The following C3orf80 variants were observed in gnomAD, a reference collection of about 807,000 sequenced individuals.
C3orf80 encodes the protein uncharacterized membrane protein C3orf80.
A neutral mutation model predicts 15.8 loss-of-function variants in C3orf80; 10 were observed. The ratio of observed to expected loss-of-function variants is 0.63; its 90% CI spans 0.39 to 1.07. The LOEUF is 1.07. Ranked by LOEUF, C3orf80 falls within the 50% of genes least tolerant of loss-of-function variation. The pLI is 0.01. For missense variants in C3orf80, 364 were observed against 379.3 expected, an observed-to-expected ratio of 0.96 and a Z score of 0.34; for synonymous variants, 183 against 192.0, an observed-to-expected ratio of 0.95 and a Z score of 0.39.
rs1358899245 is a variant in C3orf80, at chr3:160,228,045, G to T, written c.*1666G>T. On this transcript the variant is annotated 3_prime_UTR_variant, in exon 1 of 1. Transcript: ENST00000326474. ...TTATTTAATTAAATTTTTAAAGGCTGGTTGAAAAAGTCTGACAGTTCTGAG... is the reference window on the plus strand; with the variant it reads ...TTATTTAATTAAATTTTTAAAGGCTTGTTGAAAAAGTCTGACAGTTCTGAG... 6.6e-6 allele frequency: 1 copy of T among 151,970 alleles called. No individual in the cohort carries two copies. Among genetic ancestry groups the T allele is most frequent in the Non-Finnish European group, 1.5e-5 (1 of 67,972 alleles). 9.4% of individuals were successfully genotyped at this position (151,970 alleles called of 1,614,324 possible).
Position 160,225,704 on chromosome 3 carries a change from G to A in C3orf80, c.69G>A (p.Leu23=). 7.2e-7 allele frequency: 1 copy of A among 1,384,766 alleles called. No individual in the cohort carries two copies. Among genetic ancestry groups the A allele is most frequent in the Non-Finnish European group, 9.3e-7 (1 of 1,075,812 alleles). 85.8% of individuals were successfully genotyped at this position (1,384,766 alleles called of 1,614,324 possible). A position where few individuals can be genotyped will look rare whatever the true frequency, so the allele number is the denominator to read the frequency against. The stretch of plus-strand genomic sequence containing the variant: ...CGGCGCCGCCGCCTCTGCTGCCGCT[G>A]CTGCTACTGCTGGCGCTGGCGCTGG... The part of the protein sequence containing the change: ...VAPAPPPLLP[L]LLLLALALVA... Residue 23 remains leucine, a synonymous_variant, in exon 1 of 1, where the codon CTG becomes CTA. Transcript: ENST00000326474. The surrounding 1 kb of genome is among the most constrained non-coding windows in gnomAD (Gnocchi z 5.6).
In C3orf80 at chr3:160,225,793, G is replaced by A; in HGVS notation, c.158G>A (p.Cys53Tyr). The change falls in exon 1 of 1, where the codon TGC (cysteine) becomes TAC (tyrosine). Residue 53 changes from cysteine (C) to tyrosine (Y), a missense_variant. Coordinates refer to ENST00000326474, the MANE Select transcript of C3orf80 (RefSeq NM_001168214.2). This position sits in a 1 kb window ranked among gnomAD's most constrained non-coding sequence, Gnocchi z 5.6. ...GCGTGCGGCGAGCGGGAGCGCTGCT[G>A]CGACGCGACCAACGCCACGGCGGTG... ...ELACGERERC[C>Y]DATNATAVRC... 6.8e-7 allele frequency: 1 copy of A among 1,467,742 alleles called. No individual in the cohort carries two copies. The highest frequency in any genetic ancestry group is 9.0e-7 in the Non-Finnish European group (1 of 1,114,404). The allele number at this position is 1,467,742 out of a possible 1,614,324, so 90.9% of individuals were successfully genotyped here.
chr3:160,227,376 CT>C lies in C3orf80; in HGVS notation c.*998del, dbSNP rs1177474969. 6.6e-6 allele frequency: 1 copy of C among 152,132 alleles called. No individual in the cohort carries two copies. Among genetic ancestry groups the C allele is most frequent in the Admixed American group, 6.5e-5 (1 of 15,280 alleles). The allele number at this position is 152,132 out of a possible 1,614,324, so 9.4% of individuals were successfully genotyped here. ...AAACATGAAGGATATCTTATTTTCA[CT>C]ATTTGAGAAGAATATATTTTATTTT... On this transcript the variant is annotated 3_prime_UTR_variant, in exon 1 of 1. Transcript: ENST00000326474.
rs1256852260 is a variant in C3orf80, at chr3:160,225,681, G to GCGC, written c.54_56dup (p.Pro19dup). On this transcript the variant is annotated inframe_insertion, in exon 1 of 1. Transcript: ENST00000326474. The surrounding 1 kb of genome is among the most constrained non-coding windows in gnomAD (Gnocchi z 5.6). Reference sequence around the variant, plus strand: ...TGCTGAGGGCCTGTCGGTGGCTCCGGCGCCGCCGCCTCTGCTGCCGCTGCT... The same window carrying GCGC: ...TGCTGAGGGCCTGTCGGTGGCTCCGGCGCCGCCGCCGCCTCTGCTGCCGCTGCT... The GCGC allele has an allele frequency of 7.2e-7, 1 of 1,395,414 alleles. No homozygotes were observed. The highest frequency in any genetic ancestry group is 2.1e-4 in the Middle Eastern group (1 of 4,708). 86.4% of individuals were successfully genotyped at this position (1,395,414 alleles called of 1,614,324 possible). A position where few individuals can be genotyped will look rare whatever the true frequency, so the allele number is the denominator to read the frequency against.
In C3orf80 at chr3:160,226,111, A is replaced by ACAGTGG. The variant is rs1725667773; in HGVS notation, c.478_483dup (p.Ser160_Gly161dup). ...GCCGGCTCTCAGGACTCACTGCTGG[A>ACAGTGG]CAGTGGCGGCGGCGGCCGGGGCCGG... On this transcript the variant is annotated inframe_insertion, in exon 1 of 1. Transcript: ENST00000326474. This position sits in a 1 kb window ranked among gnomAD's most constrained non-coding sequence, Gnocchi z 5.2. 2 of 1,517,004 alleles carry ACAGTGG rather than the reference A, an allele frequency of 1.3e-6. No individual in the cohort carries two copies. Among genetic ancestry groups the ACAGTGG allele is most frequent in the East Asian group, 2.6e-5 (1 of 38,416 alleles). 94.0% of individuals were successfully genotyped at this position (1,517,004 alleles called of 1,614,324 possible).
rs1042772647 is a variant in C3orf80, at chr3:160,226,458, C to T, written c.*79C>T. On this transcript the variant is annotated 3_prime_UTR_variant, in exon 1 of 1. Coordinates refer to ENST00000326474, the MANE Select transcript of C3orf80 (RefSeq NM_001168214.2). This position sits in a 1 kb window ranked among gnomAD's most constrained non-coding sequence, Gnocchi z 5.2. ...CGGCCGGGGTGCCGCCGCCAACTGC[C>T]TCAGACCTTATCTGGCACCCTGGCC... 1 of 1,357,738 alleles carries T rather than the reference C, an allele frequency of 7.4e-7. No homozygotes were observed. The highest frequency in any genetic ancestry group is 1.5e-5 in the African/African-American group (1 of 64,894). The allele number at this position is 1,357,738 out of a possible 1,614,324, so 84.1% of individuals were successfully genotyped here.
At position 160,225,647 on chromosome 3, in the gene C3orf80, C is replaced by T. The variant is rs1161988268; in HGVS notation, c.12C>T (p.Pro4=). 2.2e-6 allele frequency: 3 copies of T among 1,378,530 alleles called. No homozygotes were observed. Among genetic ancestry groups the T allele is most frequent in the Non-Finnish European group, 2.8e-6 (3 of 1,071,618 alleles). The allele number at this position is 1,378,530 out of a possible 1,614,324, so 85.4% of individuals were successfully genotyped here. Residue 4 remains proline (P), a synonymous_variant, in exon 1 of 1, where the codon CCC becomes CCT. Coordinates refer to ENST00000326474, the MANE Select transcript of C3orf80 (RefSeq NM_001168214.2). The surrounding 1 kb of genome is among the most constrained non-coding windows in gnomAD (Gnocchi z 5.6). ...GGTCTGCGCGGGCCATGTGGGGACCCGGGGTCACTGCTGAGGGCCTGTCGG... is the reference window on the plus strand; with the variant it reads ...GGTCTGCGCGGGCCATGTGGGGACCTGGGGTCACTGCTGAGGGCCTGTCGG... The part of the protein sequence containing the change: MWG[P]GVTAEGLSVA...
Position 160,225,575 on chromosome 3 carries a change from G to T in C3orf80, c.-61G>T. The T allele has an allele frequency of 7.9e-7, 1 of 1,258,668 alleles. No homozygotes were observed. Among genetic ancestry groups the T allele is most frequent in the African/African-American group, 1.6e-5 (1 of 64,026 alleles). The allele number at this position is 1,258,668 out of a possible 1,614,324, so 78.0% of individuals were successfully genotyped here. A position where few individuals can be genotyped will look rare whatever the true frequency, so the allele number is the denominator to read the frequency against. ...GAGCGCCGGGGAGGGGCCGACGGAC[G>T]CGAGGGCGGACGGACTCCCCAGCCT... On this transcript the variant is annotated 5_prime_UTR_variant, in exon 1 of 1. Transcript: ENST00000326474. The surrounding 1 kb of genome is among the most constrained non-coding windows in gnomAD (Gnocchi z 5.6).
In C3orf80 at chr3:160,226,337, C is replaced by G; in HGVS notation, c.702C>G (p.Ala234=). The G allele has an allele frequency of 6.7e-7, 1 of 1,499,200 alleles. No homozygotes were observed. The highest frequency in any genetic ancestry group is 1.2e-5 in the South Asian group (1 of 80,076). 92.9% of individuals were successfully genotyped at this position (1,499,200 alleles called of 1,614,324 possible). Residue 234 remains alanine (A), a synonymous_variant, in exon 1 of 1, where the codon GCC becomes GCG. Coordinates refer to ENST00000326474, the MANE Select transcript of C3orf80 (RefSeq NM_001168214.2). This position sits in a 1 kb window ranked among gnomAD's most constrained non-coding sequence, Gnocchi z 5.2. The stretch of plus-strand genomic sequence containing the variant: ...TTGGCCGCCCTCGAGGCGGGGTCGC[C>G]GCGGAGCCCGACGGCGGCGAGGGCC... The part of the protein sequence containing the change: ...SVLGRPRGGV[A]AEPDGGEGRY...
In C3orf80 at chr3:160,225,675, G is replaced by A; in HGVS notation, c.40G>A (p.Ala14Thr). The change falls in exon 1 of 1, where the codon GCT (alanine) becomes ACT (threonine). Residue 14 changes from alanine (A) to threonine (T), a missense_variant. Coordinates refer to ENST00000326474, the MANE Select transcript of C3orf80 (RefSeq NM_001168214.2). The surrounding 1 kb of genome is among the most constrained non-coding windows in gnomAD (Gnocchi z 5.6). The part of the protein sequence containing the change: ...PGVTAEGLSV[A>T]PAPPPLLPLL... ...GGTCACTGCTGAGGGCCTGTCGGTG[G>A]CTCCGGCGCCGCCGCCTCTGCTGCC... 7.2e-7 allele frequency: 1 copy of A among 1,395,752 alleles called. No homozygotes were observed. The highest frequency in any genetic ancestry group is 1.6e-5 in the South Asian group (1 of 62,626). The allele number at this position is 1,395,752 out of a possible 1,614,324, so 86.5% of individuals were successfully genotyped here.
At position 160,226,003 on chromosome 3, in the gene C3orf80, C is replaced by CG; in HGVS notation, c.374dup (p.Ala126ArgfsTer159). The CG allele has an allele frequency of 3.0e-6, 4 of 1,316,336 alleles. No homozygotes were observed. Among genetic ancestry groups the CG allele is most frequent in the East Asian group, 3.2e-5 (1 of 31,294 alleles). 81.5% of individuals were successfully genotyped at this position (1,316,336 alleles called of 1,614,324 possible). A position where few individuals can be genotyped will look rare whatever the true frequency, so the allele number is the denominator to read the frequency against. On this transcript the variant is annotated frameshift_variant, in exon 1 of 1. Transcript: ENST00000326474. LOFTEE classifies it high-confidence loss of function. This position sits in a 1 kb window ranked among gnomAD's most constrained non-coding sequence, Gnocchi z 5.2. ...CGCCCGGGACAGCGGCCCGGGCCTC[C>CG]GGGGGGCGCCGGACCGCTGGGGGGC...
Position 160,226,083 on chromosome 3 carries a change from G to T in C3orf80, c.448G>T (p.Ala150Ser). The T allele has an allele frequency of 6.8e-7, 1 of 1,465,810 alleles. No individual in the cohort carries two copies. The highest frequency in any genetic ancestry group is 9.0e-7 in the Non-Finnish European group (1 of 1,115,018). The allele number at this position is 1,465,810 out of a possible 1,614,324, so 90.8% of individuals were successfully genotyped here. Reference protein sequence around the residue: ...DSPALLRDEAAAGSQDSLLDS... With the variant: ...DSPALLRDEASAGSQDSLLDS... ...GCCCGCTCTGCTGCGCGACGAGGCG[G>T]CAGCCGGCTCTCAGGACTCACTGCT... Residue 150 changes from alanine (A) to serine (S), a missense_variant, in exon 1 of 1, where the codon GCA becomes TCA. Coordinates refer to ENST00000326474, the MANE Select transcript of C3orf80 (RefSeq NM_001168214.2). This position sits in a 1 kb window ranked among gnomAD's most constrained non-coding sequence, Gnocchi z 5.2.
In C3orf80 at chr3:160,225,962, C is replaced by T. The variant is rs920190098; in HGVS notation, c.327C>T (p.Tyr109=). ...QRIICPSPRR[Y]PRGQARPGQR... Reference sequence around the variant, plus strand: ...TCATCTGCCCCAGTCCACGCAGGTACCCGCGCGGCCAGGCGCGCCCGGGAC... The same window carrying T: ...TCATCTGCCCCAGTCCACGCAGGTATCCGCGCGGCCAGGCGCGCCCGGGAC... The change falls in exon 1 of 1, where the codon TAC becomes TAT. Residue 109 remains tyrosine (Y), a synonymous_variant. Transcript: ENST00000326474. The surrounding 1 kb of genome is among the most constrained non-coding windows in gnomAD (Gnocchi z 5.6). 7.0e-5 allele frequency: 98 copies of T among 1,390,966 alleles called. No individual in the cohort carries two copies. Among genetic ancestry groups the T allele is most frequent in the Admixed American group, 1.6e-4 (6 of 38,200 alleles). 86.2% of individuals were successfully genotyped at this position (1,390,966 alleles called of 1,614,324 possible).
Position 160,228,106 on chromosome 3 carries a change from GTTTAC to G in C3orf80, c.*1732_*1736del, listed in dbSNP as rs1711524881. The G allele has an allele frequency of 6.6e-6, 1 of 152,046 alleles. No individual in the cohort carries two copies. The highest frequency in any genetic ancestry group is 2.4e-5 in the African/African-American group (1 of 41,428). The allele number at this position is 152,046 out of a possible 1,614,324, so 9.4% of individuals were successfully genotyped here. On this transcript the variant is annotated 3_prime_UTR_variant, in exon 1 of 1. Coordinates refer to ENST00000326474, the MANE Select transcript of C3orf80 (RefSeq NM_001168214.2). ...ATGTCTGAATTGTAATAAAAAAATG[GTTTAC>G]TTTAAACTTCTAAAAACTAATGACC...
In C3orf80 at chr3:160,225,870, G is replaced by T; in HGVS notation, c.235G>T (p.Val79Phe). Residue 79 changes from valine to phenylalanine, a missense_variant, in exon 1 of 1, where the codon GTC (valine) becomes TTC (phenylalanine). Coordinates refer to ENST00000326474, the MANE Select transcript of C3orf80 (RefSeq NM_001168214.2). The surrounding 1 kb of genome is among the most constrained non-coding windows in gnomAD (Gnocchi z 5.6). Reference protein sequence around the residue: ...HAFLDNVGWFVRKLSGLLILL... With the variant: ...HAFLDNVGWFFRKLSGLLILL... ...CTTCCTGGACAACGTGGGCTGGTTC[G>T]TCCGCAAGCTCTCCGGGCTGCTCAT... 6.7e-7 allele frequency: 1 copy of T among 1,489,882 alleles called. No individual in the cohort carries two copies. The highest frequency in any genetic ancestry group is 8.9e-7 in the Non-Finnish European group (1 of 1,124,638). 92.3% of individuals were successfully genotyped at this position (1,489,882 alleles called of 1,614,324 possible).
chr3:160,225,603 C>G lies in C3orf80; in HGVS notation c.-33C>G, dbSNP rs562143753. 9.3e-6 allele frequency: 12 copies of G among 1,291,116 alleles called. No homozygotes were observed. The highest frequency in any genetic ancestry group is 1.2e-5 in the Non-Finnish European group (12 of 1,024,744). 80.0% of individuals were successfully genotyped at this position (1,291,116 alleles called of 1,614,324 possible). A position where few individuals can be genotyped will look rare whatever the true frequency, so the allele number is the denominator to read the frequency against. ...AGGGCGGACGGACTCCCCAGCCTCC[C>G]GTCCCGGACGTTAGCCGAGGTCTGC... On this transcript the variant is annotated 5_prime_UTR_variant, in exon 1 of 1. Coordinates refer to ENST00000326474, the MANE Select transcript of C3orf80 (RefSeq NM_001168214.2). The surrounding 1 kb of genome is among the most constrained non-coding windows in gnomAD (Gnocchi z 5.6).
Position 160,226,919 on chromosome 3 carries a change from G to GC in C3orf80, c.*542dup, listed in dbSNP as rs1711501631. The GC allele has an allele frequency of 1.3e-5, 2 of 152,452 alleles. No individual in the cohort carries two copies. Among genetic ancestry groups the GC allele is most frequent in the Non-Finnish European group, 2.9e-5 (2 of 68,240 alleles). The allele number at this position is 152,452 out of a possible 1,614,324, so 9.4% of individuals were successfully genotyped here. A position where few individuals can be genotyped will look rare whatever the true frequency, so the allele number is the denominator to read the frequency against. ...GCCACTTGGTTATGATGAAATCGCT[G>GC]CCATGCGGCAGACCCCCCAAAATCC... On this transcript the variant is annotated 3_prime_UTR_variant, in exon 1 of 1. Transcript: ENST00000326474. The surrounding 1 kb of genome is among the most constrained non-coding windows in gnomAD (Gnocchi z 5.2).
chr3:160,226,414 G>C lies in C3orf80; in HGVS notation c.*35G>C, dbSNP rs1456254580. On this transcript the variant is annotated 3_prime_UTR_variant, in exon 1 of 1. Coordinates refer to ENST00000326474, the MANE Select transcript of C3orf80 (RefSeq NM_001168214.2). This position sits in a 1 kb window ranked among gnomAD's most constrained non-coding sequence, Gnocchi z 5.2. ...GATCGGCGGCTGGTGCAGGGCTGGG[G>C]GCTGCGGGTGGCAAGCAACGGCCGG... 43 of 1,385,678 alleles carry C rather than the reference G, an allele frequency of 3.1e-5. No individual in the cohort carries two copies. Among genetic ancestry groups the C allele is most frequent in the Non-Finnish European group, 3.8e-5 (41 of 1,075,838 alleles). 85.8% of individuals were successfully genotyped at this position (1,385,678 alleles called of 1,614,324 possible). A position where few individuals can be genotyped will look rare whatever the true frequency, so the allele number is the denominator to read the frequency against.
rs1253299291 is a variant in C3orf80 at position 160,225,669 on chromosome 3, T to A, written c.34T>A (p.Ser12Thr). ...WGPGVTAEGL[S>T]VAPAPPPLLP... is the part of the protein sequence containing the mutation. ...ACCCGGGGTCACTGCTGAGGGCCTG[T>A]CGGTGGCTCCGGCGCCGCCGCCTCT... The change falls in exon 1 of 1, where the codon TCG (serine) becomes ACG (threonine). Residue 12 changes from serine (S) to threonine (T), a missense_variant. By Grantham distance (58) the Ser-to-Thr change is moderately conservative. Transcript: ENST00000326474. The surrounding 1 kb of genome is among the most constrained non-coding windows in gnomAD (Gnocchi z 5.6). The A allele has an allele frequency of 6.4e-6, 9 of 1,397,332 alleles. No individual in the cohort carries two copies. Among genetic ancestry groups the A allele is most frequent in the Middle Eastern group, 2.0e-4 (1 of 4,880 alleles). 86.6% of individuals were successfully genotyped at this position (1,397,332 alleles called of 1,614,324 possible). A position where few individuals can be genotyped will look rare whatever the true frequency, so the allele number is the denominator to read the frequency against.
Sources: gnomAD v4.1 joint callset for allele counts on GRCh38, gnomAD v4.1.1 for gene constraint, Gnocchi (gnomAD v3.1) non-coding constraint, MANE v1.5 for transcripts, NCBI Gene and HGNC (gene_info 2026-07-23, HGNC 2026-07-21) for gene names.